The following ANKS1B variants were observed in gnomAD, a reference collection of about 807,000 sequenced individuals.
The protein encoded by ANKS1B is ankyrin repeat and sterile alpha motif domain-containing protein 1B.
A neutral mutation model predicts 148.3 loss-of-function variants in ANKS1B; 36 were observed. The observed-to-expected ratio is 0.24, with a 90% CI of 0.19 to 0.32. The LOEUF (loss-of-function observed/expected upper bound fraction) is 0.32, where lower values mean the gene tolerates loss of function less well. ANKS1B is among the 10% of genes least tolerant of loss of function. The probability of loss-of-function intolerance (pLI) is 1.00; values close to 1 mark genes in which losing one functional copy is unlikely to be tolerated. For synonymous variants in ANKS1B, 542 were observed against 560.8 expected, an observed-to-expected ratio of 0.97 and a Z score of 0.47; for missense variants, 1,157 against 1,542.6, an observed-to-expected ratio of 0.75 and a Z score of 4.19.
At chr12:99,250,438 A>G (rs2074432387) in intron 12 of ANKS1B, among the ~76,000 whole-genome samples, 1 of 152,228 alleles carries the variant, frequency 6.6e-6, no homozygotes. Flanking sequence ...ATAAAAATAC[A>G]CAAATAAAAT....
At chr12:99,358,674 T>G (rs1408432118) in intron 12 of ANKS1B, among the ~76,000 whole-genome samples, 1 of 143,430 alleles carries the variant, frequency 7.0e-6, no homozygotes, top group Admixed American at 6.9e-5. Flanking sequence ...ACTGTGCATG[T>G]GTGTGCATGC....
chr12:99,437,278 A>G (rs563635169), intron 11 of ANKS1B, among the ~76,000 whole-genome samples: 1 of 152,098 alleles, frequency 6.6e-6, no homozygotes, highest in African/African-American at 2.4e-5. Context: ...GAGCTCTGCC[A>G]TCTGACCTAA....
chr12:99,372,332 T>C (rs1393266380), intron 12 of ANKS1B, among the ~76,000 whole-genome samples: 1 of 152,002 alleles, frequency 6.6e-6, no homozygotes, highest in Non-Finnish European at 1.5e-5. Context: ...CAAGTGTGAA[T>C]AAAACATGGA....
intron 17 of ANKS1B, among the ~76,000 whole-genome samples, chr12:98,911,867 C>T (rs2099787278): frequency 6.6e-6 from 1 of 152,204 alleles, no homozygotes; most frequent in Non-Finnish European, 1.5e-5. Flanking sequence ...ATCTACTTCT[C>T]TAGCCTCAAA....
chr12:99,330,004 T>G (rs2087195784), intron 12 of ANKS1B, among the ~76,000 whole-genome samples: 1 of 151,934 alleles, frequency 6.6e-6, no homozygotes, highest in Admixed American at 6.6e-5. Flanking sequence ...AACTGATATT[T>G]TCTATTTTGG....
At position 99,240,603 on chromosome 12, in the gene ANKS1B, A is replaced by G. The variant is rs148689585; in HGVS notation, c.2419+3739T>C. 2.0e-3 allele frequency among the ~76,000 whole-genome samples: 308 copies of G among 152,306 alleles called. 1 individual carries two copies. The highest frequency in any genetic ancestry group is 7.2e-3 in the African/African-American group (298 of 41,568). ...AGAACTGCATACCCCAAATCTTCTCAGCACCACATCCCACTTATTCTAAAA... is the reference window on the plus strand; with the variant it reads ...AGAACTGCATACCCCAAATCTTCTCGGCACCACATCCCACTTATTCTAAAA... On this transcript the variant is annotated intron_variant, in intron 14 of 26. Transcript: ENST00000683438.
At chr12:99,044,919 C>A (rs1251653346) in intron 17 of ANKS1B, among the ~76,000 whole-genome samples, 1 of 151,906 alleles carries the variant, frequency 6.6e-6, no homozygotes, top group East Asian at 1.9e-4. Context: ...TACCGAGGGG[C>A]GGATATAAGA....
chr12:99,687,115 A>C (rs2098654073), intron 8 of ANKS1B, among the ~76,000 whole-genome samples: 1 of 152,184 alleles, frequency 6.6e-6, no homozygotes, highest in Non-Finnish European at 1.5e-5. Flanking sequence ...TAAAATTATA[A>C]CTTGATAGTT....
intron 14 of ANKS1B, among the ~76,000 whole-genome samples, chr12:99,234,975 T>C (rs2087626253): frequency 6.6e-6 from 1 of 152,128 alleles, no homozygotes; most frequent in African/African-American, 2.4e-5. Flanking sequence ...AGCACGTAAG[T>C]AGTGTGTGAT....
chr12:98,794,008 A>G (rs1026454836), intron 22 of ANKS1B, among the ~76,000 whole-genome samples: 5 of 152,222 alleles, frequency 3.3e-5, no homozygotes, highest in African/African-American at 1.2e-4. Flanking sequence ...TATTCATACC[A>G]ACATAACAAC....
chr12:99,096,092 A>C (rs1449078712), intron 15 of ANKS1B, among the ~76,000 whole-genome samples: 1 of 152,210 alleles, frequency 6.6e-6, no homozygotes, highest in African/African-American at 2.4e-5. Flanking sequence ...TACAGGAAAA[A>C]ATGTTACTCT....
At chr12:99,142,360 G>C (rs1206738744) in intron 15 of ANKS1B, among the ~76,000 whole-genome samples, 1 of 152,032 alleles carries the variant, frequency 6.6e-6, no homozygotes, top group Non-Finnish European at 1.5e-5. Context: ...GAGGCTGATG[G>C]TATTAAGGCC....
intron 11 of ANKS1B, among the ~76,000 whole-genome samples, chr12:99,416,026 C>T (rs2094896284): frequency 6.6e-6 from 1 of 152,148 alleles, no homozygotes; most frequent in Non-Finnish European, 1.5e-5. Context: ...CCTGCCCCCA[C>T]CTCCACCTTA....
At chr12:99,952,453 AC>A (rs1475751806) in intron 1 of ANKS1B, among the ~76,000 whole-genome samples, 1 of 152,082 alleles carries the variant, frequency 6.6e-6, no homozygotes, top group Non-Finnish European at 1.5e-5. Flanking sequence ...ATCTAATTTT[AC>A]CTGTTTCATA....
chr12:99,302,802 A>T (rs184613907), intron 12 of ANKS1B, among the ~76,000 whole-genome samples: 77 of 152,308 alleles, frequency 5.1e-4, no homozygotes, highest in African/African-American at 1.7e-3. Flanking sequence ...ATACAAACAA[A>T]TTTAGTTTTC....
chr12:99,291,975 T>A (rs1318046937), intron 12 of ANKS1B, among the ~76,000 whole-genome samples: 2 of 152,160 alleles, frequency 1.3e-5, no homozygotes, highest in East Asian at 1.9e-4. Flanking sequence ...TGAAACTGGA[T>A]CCCTTCTTTA....
chr12:99,823,251 T>TA (rs1449579683), intron 2 of ANKS1B, among the ~76,000 whole-genome samples: 7 of 152,174 alleles, frequency 4.6e-5, no homozygotes, highest in Admixed American at 4.6e-4. Flanking sequence ...TGTTTATTGA[T>TA]AGTTTCTCTT....
At chr12:98,931,621 G>A (rs749766021) in intron 17 of ANKS1B, 33 of 152,016 alleles carry the variant, frequency 2.2e-4, no homozygotes, top group Non-Finnish European at 3.2e-4. Context: ...GTTTTGTTTC[G>A]TTTTGTACTA....
At chr12:99,357,862 T>C (rs1329073320) in intron 12 of ANKS1B, among the ~76,000 whole-genome samples, 2 of 152,170 alleles carry the variant, frequency 1.3e-5, no homozygotes, top group African/African-American at 4.8e-5. Flanking sequence ...AAGAATGCCC[T>C]TCTTAGCCTG....
Sources: gnomAD v4.1 joint callset for allele counts (sites outside exome capture counted in the v4.1 genomes callset) on GRCh38, gnomAD v4.1.1 for gene constraint, MANE v1.5 for transcripts, NCBI Gene and HGNC (gene_info 2026-07-23, HGNC 2026-07-21) for gene names.